CNOT6L: variants seen among roughly 807,000 people sequenced by gnomAD.
CNOT6L encodes CCR4-NOT transcription complex subunit 6-like.
CNOT6L carries 7 observed loss-of-function variants against 64.0 expected under a neutral mutation model. The ratio of observed to expected loss-of-function variants is 0.11; its 90% CI spans 0.06 to 0.21. CNOT6L has a LOEUF of 0.21. CNOT6L is among the 10% of genes least tolerant of loss of function. The pLI is 1.00. For missense variants in CNOT6L, 245 were observed against 669.0 expected (o/e 0.37, Z 6.99); for synonymous variants, 193 against 243.4 (o/e 0.79, Z 1.93).
chr4:77,749,920 G>A (rs193088472), intron 5 of CNOT6L, among the ~76,000 whole-genome samples: 1 of 152,052 alleles, frequency 6.6e-6, no homozygotes, highest in Non-Finnish European at 1.5e-5. Context: ...TCTTTAAGCA[G>A]GATTCAAAAA....
intron 10 of CNOT6L, among the ~76,000 whole-genome samples, chr4:77,727,182 C>T (rs1191799339): frequency 2.0e-5 from 3 of 152,188 alleles, no homozygotes; most frequent in African/African-American, 7.2e-5. Context: ...GTATTTGCTA[C>T]ATGCCAGGCA....
intron 1 of CNOT6L, 155 bp downstream of exon 1, chr4:77,819,149 C>T (rs1734002672): frequency 6.9e-7 from 1 of 1,458,858 alleles, no homozygotes; most frequent in Non-Finnish European, 9.4e-7. Context: ...GACACACACC[C>T]ACTCGCCGTG....
intron 1 of CNOT6L, among the ~76,000 whole-genome samples, chr4:77,777,235 G>C (rs2110068673): frequency 6.6e-6 from 1 of 152,188 alleles, no homozygotes; most frequent in African/African-American, 2.4e-5. Flanking sequence ...CCCTTTTCAT[G>C]CTCAAAAGAG....
chr4:77,820,220 G>A (rs1734123593), upstream of CNOT6L, among the ~76,000 whole-genome samples: 1 of 152,204 alleles, frequency 6.6e-6, no homozygotes. Flanking sequence ...AAGGTGCAGA[G>A]AGTGCGAGAA....
At chr4:77,815,462 C>T (rs1380680621) in intron 1 of CNOT6L, among the ~76,000 whole-genome samples, 1 of 152,138 alleles carries the variant, frequency 6.6e-6, no homozygotes, top group Admixed American at 6.5e-5. Flanking sequence ...TTCTCCTCTC[C>T]CCACCACTCT....
chr4:77,736,437 T>C (rs552223768), intron 8 of CNOT6L, among the ~76,000 whole-genome samples: 1 of 152,320 alleles, frequency 6.6e-6, no homozygotes, highest in East Asian at 1.9e-4. Context: ...ATTTACAATA[T>C]AGTAAGATAT....
intron 5 of CNOT6L, among the ~76,000 whole-genome samples, chr4:77,755,301 C>T (rs536143495): frequency 6.7e-5 from 9 of 134,110 alleles, no homozygotes; most frequent in Admixed American, 5.1e-4. Flanking sequence ...AGTGCAGTGG[C>T]GCAATCTCGG....
chr4:77,785,296 T>C (rs1286327626), intron 1 of CNOT6L, among the ~76,000 whole-genome samples: 1 of 152,160 alleles, frequency 6.6e-6, no homozygotes, highest in East Asian at 1.9e-4. Context: ...TGAGCTTAAA[T>C]ATAAAACCAA....
intron 4 of CNOT6L, among the ~76,000 whole-genome samples, chr4:77,760,608 A>G (rs1726092831): frequency 2.0e-5 from 3 of 151,830 alleles, no homozygotes; most frequent in Admixed American, 2.0e-4. Context: ...AAAGCGTGGC[A>G]CAGTTTGAAA....
rs1235478168 is a variant in CNOT6L at position 77,791,289 on chromosome 4, T to C, written c.6-14897A>G. 2.0e-5 allele frequency among the ~76,000 whole-genome samples: 3 copies of C among 152,070 alleles called. No individual in the cohort carries two copies. The East Asian group carries it at 5.8e-4, about 29-fold the overall frequency. On this transcript the variant is annotated intron_variant, in intron 1 of 11. Coordinates refer to ENST00000504123, the MANE Select transcript of CNOT6L (RefSeq NM_144571.3). ...AGGCTCCGTCTCCAAATAATCATCA[T>C]CATCATCATCTTCAGCATCATCTTT...
At chr4:77,778,592 G>T (rs1728419178) in intron 1 of CNOT6L, among the ~76,000 whole-genome samples, 1 of 151,912 alleles carries the variant, frequency 6.6e-6, no homozygotes, top group South Asian at 2.1e-4. Context: ...TTTTAGTAGA[G>T]ATGGGGGTTT....
chr4:77,794,806 C>A (rs186622299), intron 1 of CNOT6L, among the ~76,000 whole-genome samples: 86 of 152,072 alleles, frequency 5.7e-4, no homozygotes, highest in African/African-American at 2.0e-3. Flanking sequence ...ATATAAAAGT[C>A]ATGGAGACTG....
chr4:77,790,156 C>T (rs1238321935), intron 1 of CNOT6L, among the ~76,000 whole-genome samples: 4 of 151,974 alleles, frequency 2.6e-5, no homozygotes, highest in Non-Finnish European at 5.9e-5. Flanking sequence ...TGGACTCATA[C>T]GGTGTGTAGT....
At chr4:77,813,296 GATTAGAA>G (rs1733166568) in intron 1 of CNOT6L, among the ~76,000 whole-genome samples, 2 of 148,642 alleles carry the variant, frequency 1.3e-5, no homozygotes, top group Non-Finnish European at 1.5e-5. Context: ...ATATTAGATA[GATTAGAA>G]ATAGATTAGA....
intron 11 of CNOT6L, among the ~76,000 whole-genome samples, chr4:77,722,508 T>C (rs1221339629): frequency 6.6e-6 from 1 of 152,080 alleles, no homozygotes; most frequent in East Asian, 1.9e-4. Context: ...GGTTGCAGTG[T>C]ACTTAGAACA....
At chr4:77,767,850 G>T (rs533547829) in intron 4 of CNOT6L, among the ~76,000 whole-genome samples, 1 of 151,712 alleles carries the variant, frequency 6.6e-6, no homozygotes, top group Non-Finnish European at 1.5e-5. Flanking sequence ...ATGGTGGCGG[G>T]AGCCTGTAAT....
At chr4:77,721,636 T>C (rs1198259803) in intron 11 of CNOT6L, among the ~76,000 whole-genome samples, 2 of 152,162 alleles carry the variant, frequency 1.3e-5, no homozygotes, top group African/African-American at 4.8e-5. Context: ...GTTTGTTGAT[T>C]TTCATTTGAC....
In CNOT6L at chr4:77,747,168, T is replaced by C. The variant is rs539523641; in HGVS notation, c.559+1148A>G. ...TGTGATTTACCCTTTAAAAATTAAC[T>C]ATCTCTTTTTTTGAGACAGGGTCTT... is the stretch of plus-strand genomic sequence containing the variant. On this transcript the variant is annotated intron_variant, in intron 6 of 11. Coordinates refer to ENST00000504123, the MANE Select transcript of CNOT6L (RefSeq NM_144571.3). 1.2e-4 allele frequency among the ~76,000 whole-genome samples: 19 copies of C among 152,280 alleles called. No individual in the cohort carries two copies. The East Asian group carries it at 3.5e-3, about 28-fold the overall frequency.
At chr4:77,796,121 A>G (rs1406187139) in intron 1 of CNOT6L, among the ~76,000 whole-genome samples, 1 of 152,114 alleles carries the variant, frequency 6.6e-6, no homozygotes, top group Non-Finnish European at 1.5e-5. Flanking sequence ...TAAGCATAAT[A>G]TCTAATAGGT....
Sources: allele counts gnomAD v4.1 joint callset (sites outside exome capture counted in the v4.1 genomes callset), GRCh38; gene constraint gnomAD v4.1.1; transcripts MANE v1.5; gene names NCBI Gene and HGNC (gene_info 2026-07-23, HGNC 2026-07-21).